CDYL: variants seen among roughly 807,000 people sequenced by gnomAD.
The protein encoded by CDYL is chromodomain Y-like protein.
In CDYL, 8 loss-of-function variants were observed where a neutral mutation model predicts 47.3. That is an observed-to-expected ratio of 0.17 (90% CI 0.10 to 0.31). CDYL has a LOEUF of 0.31. CDYL is among the 10% of genes least tolerant of loss of function. The pLI is 1.00. For missense variants in CDYL, 471 were observed against 701.4 expected (o/e 0.67, Z 3.71); for synonymous variants, 266 against 265.0 (o/e 1.00, Z -0.04).
chr6:4,937,027 T>TG (rs1758216856), intron 3 of CDYL, among the ~76,000 whole-genome samples: 1 of 152,206 alleles, frequency 6.6e-6, no homozygotes, highest in African/African-American at 2.4e-5. Context: ...TATCAGGCTA[T>TG]GATGCATTTT....
rs200717787 is a variant in CDYL at position 4,954,082 on chromosome 6, C to T, written c.*26C>T. The T allele has an allele frequency of 1.1e-4, 180 of 1,604,708 alleles. 1 individual carries two copies. In the East Asian group the frequency reaches 2.8e-3, roughly 25 times the overall value. Reference sequence around the variant, plus strand: ...GTGTCGGGCTGCCCACTGGTGACACCGGGATCGGGCTGAGCAGGAGAACAT... The same window carrying T: ...GTGTCGGGCTGCCCACTGGTGACACTGGGATCGGGCTGAGCAGGAGAACAT... On this transcript the variant is annotated 3_prime_UTR_variant, in exon 7 of 7. Coordinates refer to ENST00000397588, the MANE Select transcript of CDYL (RefSeq NM_004824.4).
chr6:4,927,387 TA>T (rs1462817374), intron 2 of CDYL, among the ~76,000 whole-genome samples: 1 of 152,008 alleles, frequency 6.6e-6, no homozygotes, highest in South Asian at 2.1e-4. Context: ...ATCAATTTTT[TA>T]TGTTTTAGTG....
chr6:4,808,537 A>G (rs6939444), intron 1 of CDYL, among the ~76,000 whole-genome samples: 14,793 of 152,228 alleles, frequency 0.097, 2,390 homozygotes, highest in African/African-American at 0.34. Flanking sequence ...ACTAGAACAC[A>G]TGCCAGTGAA....
At chr6:4,886,600 A>G (rs529685855) in intron 1 of CDYL, among the ~76,000 whole-genome samples, 58 of 151,836 alleles carry the variant, frequency 3.8e-4, no homozygotes, top group Non-Finnish European at 5.7e-4. Context: ...GTAAGACTTT[A>G]TATGTTTGAT....
At chr6:4,949,959 GA>G (rs1214646121) in intron 5 of CDYL, among the ~76,000 whole-genome samples, 3 of 152,194 alleles carry the variant, frequency 2.0e-5, no homozygotes, top group Non-Finnish European at 4.4e-5. Flanking sequence ...CAACCACCTG[GA>G]ATGGAGAACA....
intron 1 of CDYL, among the ~76,000 whole-genome samples, chr6:4,812,596 A>G (rs1315761493): frequency 1.3e-5 from 2 of 152,208 alleles, no homozygotes; most frequent in Non-Finnish European, 2.9e-5. Context: ...TTTCATATCA[A>G]GTTGCCTATC....
At chr6:4,880,001 G>C (rs539390221) in intron 1 of CDYL, among the ~76,000 whole-genome samples, 1 of 152,234 alleles carries the variant, frequency 6.6e-6, no homozygotes, top group African/African-American at 2.4e-5. Flanking sequence ...TTCCCCACCA[G>C]AGTGATACAG....
At chr6:4,929,785 ATGT>A (rs1330051281) in intron 2 of CDYL, among the ~76,000 whole-genome samples, 15 of 151,898 alleles carry the variant, frequency 9.9e-5, no homozygotes. Flanking sequence ...AGTTTTGAAG[ATGT>A]TCTTTTCTCG....
chr6:4,742,715 C>A (rs1757819006), intron 3 of CDYL, among the ~76,000 whole-genome samples: 1 of 152,250 alleles, frequency 6.6e-6, no homozygotes, highest in African/African-American at 2.4e-5. Flanking sequence ...GAGCTGCTGC[C>A]TTGAAGGATC....
chr6:4,904,864 G>T (rs951739411), intron 2 of CDYL, among the ~76,000 whole-genome samples: 1 of 152,150 alleles, frequency 6.6e-6, no homozygotes, highest in African/African-American at 2.4e-5. Context: ...GCTGTGCACT[G>T]TGTCCCCCTC....
chr6:4,941,352 T>A (rs1758355679), intron 4 of CDYL, among the ~76,000 whole-genome samples: 2 of 152,332 alleles, frequency 1.3e-5, no homozygotes, highest in African/African-American at 4.8e-5. Flanking sequence ...GCCTTTATGG[T>A]CCTGGGAAGT....
rs139120526 is a variant in CDYL, at chr6:4,729,232, C to A, written c.104-5530C>A. Among the ~76,000 whole-genome samples the A allele has an allele frequency of 2.6e-3, 399 of 152,288 alleles. 3 individuals carry two copies. Among genetic ancestry groups the A allele is most frequent in the African/African-American group, 9.1e-3 (376 of 41,530 alleles). On this transcript the variant is annotated intron_variant, in intron 2 of 8. Coordinates refer to the CDYL transcript ENST00000328908. Reference sequence around the variant, plus strand: ...TTTCCACCCCTGAAATTCCCCCAAACAGACTATCCCTTGTGCTGGCATCCG... The same window carrying A: ...TTTCCACCCCTGAAATTCCCCCAAAAAGACTATCCCTTGTGCTGGCATCCG...
chr6:4,926,275 T>C (rs1757870886), intron 2 of CDYL, among the ~76,000 whole-genome samples: 1 of 152,184 alleles, frequency 6.6e-6, no homozygotes, highest in African/African-American at 2.4e-5. Context: ...TGAATAAAAT[T>C]ATAAGGTTTT....
chr6:4,915,274 A>G (rs1011425141), intron 2 of CDYL, among the ~76,000 whole-genome samples: 1 of 152,208 alleles, frequency 6.6e-6, no homozygotes, highest in African/African-American at 2.4e-5. Flanking sequence ...CCATCTTCCA[A>G]AACACATTTT....
intron 1 of CDYL, among the ~76,000 whole-genome samples, chr6:4,808,707 A>C (rs1349954150): frequency 6.6e-6 from 1 of 152,254 alleles, no homozygotes; most frequent in Non-Finnish European, 1.5e-5. Flanking sequence ...CTTTATGGAC[A>C]TGGTTTGCTG....
chr6:4,915,625 T>A (rs1028902740), intron 2 of CDYL, among the ~76,000 whole-genome samples: 1 of 152,182 alleles, frequency 6.6e-6, no homozygotes, highest in African/African-American at 2.4e-5. Context: ...ACTTCCAACC[T>A]GAGTCAGGTA....
chr6:4,901,250 G>A (rs1757045791), intron 2 of CDYL, among the ~76,000 whole-genome samples: 1 of 152,048 alleles, frequency 6.6e-6, no homozygotes, highest in African/African-American at 2.4e-5. Context: ...GACAAAGGGG[G>A]GGAAATCACA....
intron 3 of CDYL, among the ~76,000 whole-genome samples, chr6:4,771,114 CTT>C (rs35300257): frequency 1.4e-5 from 2 of 147,906 alleles, no homozygotes; most frequent in African/African-American, 5.0e-5. Flanking sequence ...AGAATTTGCA[CTT>C]TTTTTTTTGG....
At chr6:4,863,673 A>G (rs1340891363) in intron 1 of CDYL, among the ~76,000 whole-genome samples, 1 of 152,252 alleles carries the variant, frequency 6.6e-6, no homozygotes, top group Non-Finnish European at 1.5e-5. Context: ...AGCATGTTTA[A>G]TCAAGAAAAT....
Sources: gnomAD v4.1 joint callset for allele counts (sites outside exome capture counted in the v4.1 genomes callset) on GRCh38, gnomAD v4.1.1 for gene constraint, MANE v1.5 for transcripts, NCBI Gene and HGNC (gene_info 2026-07-23, HGNC 2026-07-21) for gene names.